ANXA8: variants seen among roughly 807,000 people sequenced by gnomAD.
ANXA8 encodes the protein VAC-beta.
In ANXA8, 9 loss-of-function variants were observed where a neutral mutation model predicts 26.8. The observed-to-expected ratio is 0.34, with a 90% CI of 0.20 to 0.59. ANXA8 has a LOEUF of 0.59. Ranked by LOEUF, ANXA8 falls within the 20% of genes least tolerant of loss-of-function variation. The probability of loss-of-function intolerance (pLI) is 0.84; values close to 1 mark genes in which losing one functional copy is unlikely to be tolerated. For synonymous variants in ANXA8, 39 were observed against 94.8 expected (o/e 0.41, Z 3.42); for missense variants, 83 against 238.5 (o/e 0.35, Z 4.29).
At chr10:47,649,433 G>A in the ANXA8 span, among the ~76,000 whole-genome samples, 1,545 of 148,606 alleles carry the variant, frequency 0.01, 22 homozygotes, top group African/African-American at 0.038. Flanking sequence ...TTGGTGAAAT[G>A]GAGTCTTGCT....
chr10:47,937,650 TC>T, the ANXA8 span, among the ~76,000 whole-genome samples: 1 of 142,200 alleles, frequency 7.0e-6, no homozygotes, highest in Non-Finnish European at 1.6e-5. Context: ...CCAGTGTCTG[TC>T]GTTCCCCTCT....
At chr10:47,556,603 A>G in the ANXA8 span, among the ~76,000 whole-genome samples, 5 of 151,974 alleles carry the variant, frequency 3.3e-5, no homozygotes, top group African/African-American at 1.2e-4. Flanking sequence ...AGAAAGCTGT[A>G]TGTTTTATGG....
At chr10:47,655,899 A>T in the ANXA8 span, among the ~76,000 whole-genome samples, 1 of 151,958 alleles carries the variant, frequency 6.6e-6, no homozygotes, top group South Asian at 2.1e-4. Flanking sequence ...GCATGCCTGT[A>T]ATCCCAGCTA....
chr10:47,673,678 T>A, the ANXA8 span, among the ~76,000 whole-genome samples: 1 of 151,896 alleles, frequency 6.6e-6, no homozygotes, highest in East Asian at 1.9e-4. Context: ...TTTTTTAAAA[T>A]ATAAACTTGA....
the ANXA8 span, among the ~76,000 whole-genome samples, chr10:47,778,899 T>TTATGATATGA: frequency 3.7e-4 from 54 of 145,476 alleles, no homozygotes; most frequent in African/African-American, 1.2e-3. Context: ...TCTGCCTACA[T>TTATGATATGA]TATGATATGA....
At chr10:47,726,651 C>T in the ANXA8 span, among the ~76,000 whole-genome samples, 2 of 152,256 alleles carry the variant, frequency 1.3e-5, no homozygotes, top group African/African-American at 4.8e-5. Context: ...AGTAATTTAT[C>T]ATTTGAAGCT....
the ANXA8 span, among the ~76,000 whole-genome samples, chr10:47,950,457 C>T: frequency 6.6e-6 from 1 of 151,848 alleles, no homozygotes; most frequent in Non-Finnish European, 1.5e-5. Context: ...GTTCTATATC[C>T]TAGGAATGCA....
upstream of ANXA8, among the ~76,000 whole-genome samples, chr10:47,486,045 T>C (rs1840038495): frequency 6.6e-6 from 1 of 151,350 alleles, no homozygotes; most frequent in Non-Finnish European, 1.5e-5. Context: ...GAGGCAGAGG[T>C]TACAGTGAGC....
the ANXA8 span, chr10:47,590,228 C>T: frequency 1.4e-5 from 2 of 146,664 alleles, no homozygotes; most frequent in Middle Eastern, 3.4e-3. Flanking sequence ...GTCAGCTTCT[C>T]AAGGGTGAAG....
At chr10:47,590,344 G>A in the ANXA8 span, 1 of 146,766 alleles carries the variant, frequency 6.8e-6, no homozygotes, top group East Asian at 1.9e-4. Context: ...TCCAGGGTGT[G>A]ATCCACAGCC....
the ANXA8 span, among the ~76,000 whole-genome samples, chr10:47,575,354 G>A: frequency 5.6e-5 from 6 of 107,564 alleles, no homozygotes; most frequent in African/African-American, 1.8e-4. Context: ...TTATTGACTT[G>A]TATTTGTATT....
At chr10:47,985,847 C>A in the ANXA8 span, 5 of 148,420 alleles carry the variant, frequency 3.4e-5, no homozygotes, top group South Asian at 8.5e-4. Flanking sequence ...AATGTTTATT[C>A]TTTCATACCT....
the ANXA8 span, chr10:47,590,367 A>G: frequency 3.1e-3 from 449 of 146,828 alleles, 59 homozygotes; most frequent in African/African-American, 0.012. Flanking sequence ...GGCCTGAAGC[A>G]ATGGGGCCCA....
At chr10:47,751,090 A>G in the ANXA8 span, 1 of 151,382 alleles carries the variant, frequency 6.6e-6, no homozygotes, top group South Asian at 2.1e-4. Context: ...TATAACAACC[A>G]TCAAACTTCA....
At chr10:47,733,081 G>A in the ANXA8 span, among the ~76,000 whole-genome samples, 1 of 151,710 alleles carries the variant, frequency 6.6e-6, no homozygotes, top group South Asian at 2.1e-4. Flanking sequence ...AATGAGGGTA[G>A]TACCAGCTTA....
chr10:47,744,441 AG>A, the ANXA8 span, among the ~76,000 whole-genome samples: 3 of 6,362 alleles, frequency 4.7e-4, no homozygotes, highest in Admixed American at 2.4e-3. Flanking sequence ...AGGGGGGAAG[AG>A]GGGGGGCCTT....
the ANXA8 span, chr10:47,751,381 T>C: frequency 1.1e-5 from 1 of 92,746 alleles, no homozygotes; most frequent in Non-Finnish European, 2.2e-5. Context: ...TATTTCTTTA[T>C]CTTGTCCAAT....
chr10:47,495,965 G>A, the ANXA8 span, among the ~76,000 whole-genome samples: 1 of 151,594 alleles, frequency 6.6e-6, no homozygotes, highest in Non-Finnish European at 1.5e-5. Context: ...AGGGGTGTGG[G>A]ATCTGAGAGC....
In ANXA8 at chr10:47,469,554, C is replaced by T. The variant is rs1346621027; in HGVS notation, c.925-648G>A. Among the ~76,000 whole-genome samples, 22 of 151,870 alleles carry T rather than the reference C, an allele frequency of 1.4e-4. 2 individuals carry two copies. The highest frequency in any genetic ancestry group is 2.9e-4 in the African/African-American group (12 of 41,326). On this transcript the variant is annotated intron_variant, in intron 11 of 11. Coordinates refer to ENST00000585281, the MANE Select transcript of ANXA8 (RefSeq NM_001040084.3). ...TCCTGATGAGACTGACCTTGTGGTC[C>T]GATGACTGAGGAGCCCTGTTTCTTA... is the stretch of plus-strand genomic sequence containing the variant.
Sources: allele counts gnomAD v4.1 joint callset (sites outside exome capture counted in the v4.1 genomes callset), GRCh38; gene constraint gnomAD v4.1.1; transcripts MANE v1.5; gene names NCBI Gene and HGNC (gene_info 2026-07-23, HGNC 2026-07-21).